Variants in ERI2 observed in about 807,000 individuals in gnomAD.
ERI2 encodes the protein ERI1 exoribonuclease 2.
ERI2 carries 35 observed loss-of-function variants against 46.8 expected under a neutral mutation model. The ratio of observed to expected loss-of-function variants is 0.75; its 90% CI spans 0.57 to 0.99. ERI2 has a LOEUF of 0.99. ERI2 is among the 50% of genes least tolerant of loss of function. The pLI, the probability that ERI2 is intolerant of heterozygous loss-of-function variation, is 0.00. For missense variants in ERI2, 695 were observed against 796.2 expected (o/e 0.87, Z 1.53); for synonymous variants, 224 against 271.0 (o/e 0.83, Z 1.70).
At chr16:20,792,371 T>C (rs1434618987), downstream of ERI2, 1 of 1,611,298 alleles carries the variant, frequency 6.2e-7, no homozygotes, top group African/African-American at 1.3e-5. Context: ...TTATAATTTG[T>C]TGGCAATTTA....
At chr16:20,781,590 G>A (rs751538006) in intron 10 of ERI2, 44 of 812,050 alleles carry the variant, frequency 5.4e-5, no homozygotes, top group Non-Finnish European at 8.4e-5. Context: ...ACAAGAAAAG[G>A]TAAGAATGTA....
downstream of ERI2, chr16:20,796,324 A>G (rs1464201097): frequency 5.0e-6 from 8 of 1,595,682 alleles, no homozygotes; most frequent in African/African-American, 1.1e-4. Flanking sequence ...ACTAAAACAT[A>G]CAAATGCATA....
At chr16:20,781,334 C>T (rs945228285) in intron 10 of ERI2, among the ~76,000 whole-genome samples, 3 of 151,996 alleles carry the variant, frequency 2.0e-5, no homozygotes, top group Admixed American at 1.3e-4. Flanking sequence ...CTGCCAGGCA[C>T]ATATTGAAAA....
intron 1 of ERI2, among the ~76,000 whole-genome samples, chr16:20,805,199 G>A (rs1044264280): frequency 6.6e-6 from 1 of 152,168 alleles, no homozygotes; most frequent in Non-Finnish European, 1.5e-5. Context: ...GTTGAGGCGG[G>A]TGGATCACCT....
chr16:20,785,445 A>T (rs2080450880), intron 10 of ERI2, among the ~76,000 whole-genome samples: 1 of 152,192 alleles, frequency 6.6e-6, no homozygotes, highest in Non-Finnish European at 1.5e-5. Context: ...AAAATGGAAA[A>T]TGCTGAGATC....
At chr16:20,799,468 GT>G in intron 7 of ERI2, 117 bp from the exon 8 acceptor site, 1 of 954,726 alleles carries the variant, frequency 1.0e-6, no homozygotes. Flanking sequence ...CACAGTTTTA[GT>G]TTTATGACCA....
chr16:20,805,419 C>CAA (rs55794423), intron 1 of ERI2, among the ~76,000 whole-genome samples: 28 of 131,338 alleles, frequency 2.1e-4, no homozygotes, highest in African/African-American at 7.7e-4. Context: ...AACTCCGTCT[C>CAA]AAAAAAAAAA....
In ERI2 at chr16:20,798,540, C is replaced by T. The variant is rs951229118; in HGVS notation, c.1260G>A (p.Glu420=). Reference sequence around the variant, plus strand: ...TGGGAACTGTACAGTCTACGTTTTCCTCAGGCTGAGATGCTGGCAGTAAAA... The same window carrying T: ...TGGGAACTGTACAGTCTACGTTTTCTTCAGGCTGAGATGCTGGCAGTAAAA... ...DVVLLPASQP[E]ENVDCTVPIS... is the part of the protein sequence containing the mutation. Residue 420 remains glutamate (E), a synonymous_variant, in exon 9 of 9, where the codon GAG becomes GAA. Coordinates refer to ENST00000357967, the MANE Select transcript of ERI2 (RefSeq NM_001142725.2). 3.9e-5 allele frequency: 61 copies of T among 1,551,398 alleles called. No individual in the cohort carries two copies. The Admixed American group carries it at 1.1e-3, about 27-fold the overall frequency.
At chr16:20,792,824 C>T (rs889923541), downstream of ERI2, 7 of 547,396 alleles carry the variant, frequency 1.3e-5, 1 homozygote, top group Non-Finnish European at 1.4e-5. Flanking sequence ...AGGAAATAAA[C>T]TCTGAATAAC....
chr16:20,797,939 A>G lies in ERI2; in HGVS notation c.1861T>C (p.Cys621Arg). ...NGPNHGKVFY[C>R]CPIGKYQENR... Reference sequence around the variant, plus strand: ...TCTTGGTATTTCCCGATAGGGCAACAATAGAAGACTTTTCCATGGTTCGGT... The same window carrying G: ...TCTTGGTATTTCCCGATAGGGCAACGATAGAAGACTTTTCCATGGTTCGGT... Residue 621 changes from cysteine to arginine, a missense_variant, in exon 9 of 9, where the codon TGT (cysteine) becomes CGT (arginine). Physicochemically the swap from Cys to Arg is radical, Grantham distance 180. Transcript: ENST00000357967. The G allele has an allele frequency of 6.4e-7, 1 of 1,551,930 alleles. No individual in the cohort carries two copies. Among genetic ancestry groups the G allele is most frequent in the Non-Finnish European group, 8.7e-7 (1 of 1,146,992 alleles).
chr16:20,786,096 T>G lies in ERI2; in HGVS notation c.894+3383A>C, dbSNP rs767483367. On this transcript the variant is annotated intron_variant, in intron 10 of 10. Transcript: ENST00000300005. ...TAACTAGGTGCTAATCTGTGGAAAT[T>G]TTAAGGGAATGAAAATTAAACCTGG... 13 of 1,597,308 alleles carry G rather than the reference T, an allele frequency of 8.1e-6. No homozygotes were observed. The Admixed American group carries it at 2.3e-4, about 28-fold the overall frequency.
chr16:20,792,134 CT>C (rs1330945616), downstream of ERI2: 12 of 1,613,984 alleles, frequency 7.4e-6, no homozygotes, highest in African/African-American at 1.6e-4. Context: ...CTCTGGGTAA[CT>C]TTCTTTTCCA....
At position 20,790,495 on chromosome 16, in the gene ERI2, G is replaced by T; in HGVS notation, c.815+355C>A. The T allele has an allele frequency of 7.6e-7, 1 of 1,310,222 alleles. No individual in the cohort carries two copies. Among genetic ancestry groups the T allele is most frequent in the East Asian group, 2.4e-5 (1 of 41,188 alleles). The allele number at this position is 1,310,222 out of a possible 1,614,324, so 81.2% of individuals were successfully genotyped here. ...TTTTTTTAAGTCTTCATTTTTAAAT[G>T]GCAAAAGCCAAAATAAAACTTGCAA... On this transcript the variant is annotated intron_variant, in intron 9 of 10. Transcript: ENST00000300005. The surrounding 1 kb of genome is among the most constrained non-coding windows in gnomAD (Gnocchi z 4.0).
At chr16:20,792,240 C>G (rs201966838), downstream of ERI2, 6 of 1,613,924 alleles carry the variant, frequency 3.7e-6, 1 homozygote, top group South Asian at 2.2e-5. Context: ...TTCTAGCTAT[C>G]GAATTGGACC....
rs1382761822 is a variant in ERI2 at position 20,802,782 on chromosome 16, G to C, written c.303+14C>G. 4 of 1,574,752 alleles carry C rather than the reference G, an allele frequency of 2.5e-6. No individual in the cohort carries two copies. Among genetic ancestry groups the C allele is most frequent in the East Asian group, 4.5e-5 (2 of 44,406 alleles). On this transcript the variant is annotated intron_variant, in intron 4 of 8. Coordinates refer to ENST00000357967, the MANE Select transcript of ERI2 (RefSeq NM_001142725.2). ...TTTGAAACTGACTTCTGAATTTTAA[G>C]ATTTGCATCATACCTGCTTTATGCC...
chr16:20,782,550 C>A (rs546910494), intron 10 of ERI2, among the ~76,000 whole-genome samples: 1 of 152,204 alleles, frequency 6.6e-6, no homozygotes, highest in East Asian at 1.9e-4. Flanking sequence ...CCCACATTGA[C>A]CAATTCTCCA....
rs1223895970 is a variant in ERI2 at position 20,799,970 on chromosome 16, T to C, written c.630A>G (p.Gly210=). ...ALQEVGIEFS[G]REHSGLDDSR... ...ATGTATACTAACCAGAATGTTCTCG[T>C]CCTGAGAATTCTATTCCTACTTCCT... The change falls in exon 7 of 9, where the codon GGA becomes GGG. Residue 210 remains glycine, a synonymous_variant. Coordinates refer to ENST00000357967, the MANE Select transcript of ERI2 (RefSeq NM_001142725.2). The C allele has an allele frequency of 7.5e-6, 12 of 1,600,902 alleles. No homozygotes were observed. Among genetic ancestry groups the C allele is most frequent in the Non-Finnish European group, 1.0e-5 (12 of 1,170,146 alleles).
chr16:20,801,153 T>C (rs368939355), intron 5 of ERI2, 50 bp downstream of exon 5: 333 of 1,405,422 alleles, frequency 2.4e-4, no homozygotes, highest in Non-Finnish European at 3.0e-4. Context: ...AAGAATTACA[T>C]AGTGGTAATG....
intron 1 of ERI2, chr16:20,806,175 G>C (rs1434490495): frequency 7.2e-7 from 1 of 1,398,342 alleles, no homozygotes; most frequent in Non-Finnish European, 9.3e-7. Context: ...AAGGCCCCAG[G>C]GTTCGTCCGC....
Sources: gnomAD v4.1 joint callset for allele counts (sites outside exome capture counted in the v4.1 genomes callset) on GRCh38, gnomAD v4.1.1 for gene constraint, Gnocchi (gnomAD v3.1) non-coding constraint, MANE v1.5 for transcripts, NCBI Gene and HGNC (gene_info 2026-07-23, HGNC 2026-07-21) for gene names.